Variants in MALRD1 observed in about 807,000 individuals in gnomAD.
The protein encoded by MALRD1 is MAM and LDL-receptor class A domain-containing protein 1.
A neutral mutation model predicts 242.1 loss-of-function variants in MALRD1; 247 were observed. That is an observed-to-expected ratio of 1.02 (90% CI 0.92 to 1.13). The LOEUF is 1.13. MALRD1 is among the 50% of genes most tolerant of loss of function. The pLI, the probability that MALRD1 is intolerant of heterozygous loss-of-function variation, is 0.00. For missense variants in MALRD1, 2,989 were observed against 2,533.1 expected, an observed-to-expected ratio of 1.18 and a Z score of -3.86; for synonymous variants, 995 against 866.6, an observed-to-expected ratio of 1.15 and a Z score of -2.60.
At chr10:19,094,328 A>G (rs1389890959) in intron 4 of MALRD1, among the ~76,000 whole-genome samples, 1 of 116,458 alleles carries the variant, frequency 8.6e-6, no homozygotes, top group Non-Finnish European at 1.8e-5. Flanking sequence ...GAAAAGCGCA[A>G]TATTCGGGTG....
intron 36 of MALRD1, among the ~76,000 whole-genome samples, chr10:19,678,917 G>T (rs1032791531): frequency 3.9e-5 from 6 of 152,070 alleles, no homozygotes; most frequent in Non-Finnish European, 7.4e-5. Flanking sequence ...CCATGATTAT[G>T]TGATTTTTGT....
intron 36 of MALRD1, among the ~76,000 whole-genome samples, chr10:19,621,547 T>G (rs2131624069): frequency 6.6e-6 from 1 of 151,438 alleles, no homozygotes; most frequent in African/African-American, 2.4e-5. Context: ...GAAATGGAAA[T>G]GAGATAAAAT....
At chr10:19,717,593 T>C (rs1020298018) in intron 38 of MALRD1, among the ~76,000 whole-genome samples, 14 of 152,216 alleles carry the variant, frequency 9.2e-5, no homozygotes, top group African/African-American at 3.4e-4. Flanking sequence ...ATGTGTTTTA[T>C]TATTAATGCG....
intron 28 of MALRD1, among the ~76,000 whole-genome samples, chr10:19,418,265 T>C (rs1389697240): frequency 6.6e-6 from 1 of 151,126 alleles, no homozygotes; most frequent in Non-Finnish European, 1.5e-5. Flanking sequence ...TATGCACCAT[T>C]CCCCCCCACG....
intron 5 of MALRD1, among the ~76,000 whole-genome samples, chr10:19,110,231 C>T (rs746142061): frequency 7.2e-5 from 11 of 152,098 alleles, no homozygotes; most frequent in Non-Finnish European, 1.3e-4. Context: ...CACTCCAGTC[C>T]GTGCTTGGGT....
At chr10:19,203,978 A>G in intron 15 of MALRD1, 98 bp downstream of exon 15, 3 of 1,361,688 alleles carry the variant, frequency 2.2e-6, no homozygotes, top group Non-Finnish European at 3.1e-6. Context: ...GATAACTACA[A>G]CAAACAGTCA....
intron 38 of MALRD1, among the ~76,000 whole-genome samples, chr10:19,695,362 CA>C (rs1719914793): frequency 6.6e-6 from 1 of 152,072 alleles, no homozygotes; most frequent in Non-Finnish European, 1.5e-5. Flanking sequence ...TTTGCTTACG[CA>C]GTGTATTAGC....
At chr10:19,176,866 G>A (rs1025475816) in intron 14 of MALRD1, among the ~76,000 whole-genome samples, 1 of 133,968 alleles carries the variant, frequency 7.5e-6, no homozygotes, top group Admixed American at 7.9e-5. Context: ...GCGTGCATGT[G>A]TGCATGTGTG....
chr10:19,117,504 C>G (rs901292963), intron 5 of MALRD1, among the ~76,000 whole-genome samples: 1 of 151,434 alleles, frequency 6.6e-6, no homozygotes, highest in Non-Finnish European at 1.5e-5. Flanking sequence ...CAACATTTAA[C>G]TGAACTATGA....
At chr10:19,297,160 T>C (rs1003169614) in intron 21 of MALRD1, among the ~76,000 whole-genome samples, 3 of 151,092 alleles carry the variant, frequency 2.0e-5, no homozygotes, top group Admixed American at 2.0e-4. Context: ...TTCATGTGTT[T>C]TTGAGAATAA....
chr10:19,208,369 G>A (rs1193178320), intron 17 of MALRD1, among the ~76,000 whole-genome samples: 2 of 152,168 alleles, frequency 1.3e-5, no homozygotes, highest in East Asian at 3.8e-4. Flanking sequence ...GATGGTGCAG[G>A]CTATGGGGAA....
At chr10:19,561,107 T>G (rs901750977) in intron 32 of MALRD1, among the ~76,000 whole-genome samples, 5 of 152,132 alleles carry the variant, frequency 3.3e-5, no homozygotes, top group African/African-American at 1.2e-4. Flanking sequence ...AAGAAAATTG[T>G]GTAGTATAAT....
intron 26 of MALRD1, among the ~76,000 whole-genome samples, chr10:19,360,183 G>C (rs972797414): frequency 6.6e-6 from 1 of 152,018 alleles, no homozygotes; most frequent in Non-Finnish European, 1.5e-5. Context: ...TGAGTAGGGG[G>C]TATACTTTGT....
intron 17 of MALRD1, among the ~76,000 whole-genome samples, chr10:19,208,397 C>T (rs1185530796): frequency 6.6e-6 from 1 of 152,030 alleles, no homozygotes; most frequent in African/African-American, 2.4e-5. Context: ...AGGGATGAGG[C>T]AGTCATTTTA....
intron 36 of MALRD1, among the ~76,000 whole-genome samples, chr10:19,660,757 TTC>T (rs1841391519): frequency 6.6e-6 from 1 of 152,176 alleles, no homozygotes; most frequent in Non-Finnish European, 1.5e-5. Context: ...TCCTTACATT[TTC>T]ATAAAAGAGA....
intron 28 of MALRD1, among the ~76,000 whole-genome samples, chr10:19,436,500 A>T (rs1422630457): frequency 6.6e-6 from 1 of 152,102 alleles, no homozygotes; most frequent in African/African-American, 2.4e-5. Flanking sequence ...CCATTTAATT[A>T]GTCATTTAAT....
intron 36 of MALRD1, among the ~76,000 whole-genome samples, chr10:19,628,082 G>T (rs1326005449): frequency 1.3e-5 from 2 of 151,102 alleles, no homozygotes; most frequent in African/African-American, 4.9e-5. Flanking sequence ...TGCAAAGTAA[G>T]TCGTTGATAT....
chr10:19,690,421 A>G (rs917175105), intron 36 of MALRD1, among the ~76,000 whole-genome samples: 5 of 152,048 alleles, frequency 3.3e-5, no homozygotes, highest in African/African-American at 9.6e-5. Flanking sequence ...TTATTTAGAA[A>G]CATACATAAT....
chr10:19,531,396 A>T, intron 32 of MALRD1, 45 bp downstream of exon 32: 1 of 1,438,930 alleles, frequency 6.9e-7, no homozygotes, highest in Non-Finnish European at 9.4e-7. Flanking sequence ...AATATGCATG[A>T]CATGTTTAAA....
Sources: allele counts gnomAD v4.1 joint callset (sites outside exome capture counted in the v4.1 genomes callset), GRCh38; gene constraint gnomAD v4.1.1; transcripts MANE v1.5; gene names NCBI Gene and HGNC (gene_info 2026-07-23, HGNC 2026-07-21).